SAMD4A: variants seen among roughly 807,000 people sequenced by gnomAD.
The protein encoded by SAMD4A is sterile alpha motif domain containing 4A.
A neutral mutation model predicts 81.3 loss-of-function variants in SAMD4A; 33 were observed. The ratio of observed to expected loss-of-function variants is 0.41; its 90% CI spans 0.31 to 0.54. The LOEUF (loss-of-function observed/expected upper bound fraction) is 0.54, where lower values mean the gene tolerates loss of function less well. Among genes scored for constraint, SAMD4A ranks in the 20% least tolerant of loss-of-function variants. The pLI is 0.37. For synonymous variants in SAMD4A, 389 were observed against 382.1 expected, an observed-to-expected ratio of 1.02 and a Z score of -0.21; for missense variants, 854 against 951.1, an observed-to-expected ratio of 0.90 and a Z score of 1.34.
At chr14:54,582,739 C>T (rs917009907) in intron 2 of SAMD4A, among the ~76,000 whole-genome samples, 13 of 152,124 alleles carry the variant, frequency 8.5e-5, no homozygotes, top group Non-Finnish European at 1.8e-4. Flanking sequence ...TTATACATTT[C>T]CTTCTGTTAT....
At chr14:54,598,577 G>A (rs1262366298) in intron 2 of SAMD4A, among the ~76,000 whole-genome samples, 4 of 152,016 alleles carry the variant, frequency 2.6e-5, no homozygotes, top group Non-Finnish European at 4.4e-5. Flanking sequence ...AACACTCATT[G>A]GACTCTTCCT....
At chr14:54,566,288 C>T (rs80255388), upstream of SAMD4A, among the ~76,000 whole-genome samples, 2 of 151,576 alleles carry the variant, frequency 1.3e-5, no homozygotes, top group Non-Finnish European at 2.9e-5. Context: ...GGCCCCCGAG[C>T]CGCCGGGATG....
intron 2 of SAMD4A, among the ~76,000 whole-genome samples, chr14:54,634,491 G>C (rs945468226): frequency 1.3e-5 from 2 of 152,120 alleles, no homozygotes; most frequent in African/African-American, 4.8e-5. Flanking sequence ...GGACAGGGAT[G>C]GGGGTTGGTC....
At position 54,684,621 on chromosome 14, in the gene SAMD4A, C is replaced by G. The variant is rs1412599082; in HGVS notation, c.197-17441C>G. Among the ~76,000 whole-genome samples, 48 of 105,204 alleles carry G rather than the reference C, an allele frequency of 4.6e-4. 1 individual carries two copies. In the South Asian group the frequency reaches 0.013, roughly 28 times the overall value. The allele number at this position is 105,204 out of a possible 152,430, so 69.0% of individuals were successfully genotyped here. ...TTGGCCAGACACCCCCGCCCCCCCC[C>G]CCAACCAGAAACGGGAAACCTATGG... On this transcript the variant is annotated intron_variant, in intron 2 of 12. Coordinates refer to ENST00000554335, the MANE Select transcript of SAMD4A (RefSeq NM_015589.6).
At chr14:54,782,457 C>G (rs1379521936) in intron 11 of SAMD4A, among the ~76,000 whole-genome samples, 2 of 152,016 alleles carry the variant, frequency 1.3e-5, no homozygotes, top group African/African-American at 4.8e-5. Context: ...GATGAAAATA[C>G]TAAAATCTCT....
At chr14:54,730,713 T>C (rs2037540877) in intron 3 of SAMD4A, among the ~76,000 whole-genome samples, 1 of 152,228 alleles carries the variant, frequency 6.6e-6, no homozygotes, top group Non-Finnish European at 1.5e-5. Flanking sequence ...TCCCCTCTCT[T>C]CCTCTCCCTT....
chr14:54,754,014 A>G (rs1362724140), intron 6 of SAMD4A, among the ~76,000 whole-genome samples: 2 of 152,230 alleles, frequency 1.3e-5, no homozygotes, highest in Admixed American at 1.3e-4. Flanking sequence ...GTGTTATGGT[A>G]AAAGAGTGAT....
intron 2 of SAMD4A, among the ~76,000 whole-genome samples, chr14:54,616,328 A>T (rs562648131): frequency 6.3e-4 from 96 of 152,136 alleles, no homozygotes; most frequent in Non-Finnish European, 1.3e-3. Flanking sequence ...TTTCTTTTTG[A>T]TTCTTTAGAA....
chr14:54,787,123 G>A lies in SAMD4A; in HGVS notation c.2129-1793G>A, dbSNP rs964865075. On this transcript the variant is annotated intron_variant, in intron 12 of 12. Transcript: ENST00000554335. ...CAAGTCCTTTTATGGGAAGAGGAACGGGCAGGGAGAGGAAAGCACAGTGAA... is the reference window on the plus strand; with the variant it reads ...CAAGTCCTTTTATGGGAAGAGGAACAGGCAGGGAGAGGAAAGCACAGTGAA... Among the ~76,000 whole-genome samples, 11 of 152,110 alleles carry A rather than the reference G, an allele frequency of 7.2e-5. No homozygotes were observed. The East Asian group carries it at 9.6e-4, about 13-fold the overall frequency.
intron 2 of SAMD4A, among the ~76,000 whole-genome samples, chr14:54,584,096 A>G (rs932029291): frequency 2.0e-5 from 3 of 152,228 alleles, no homozygotes; most frequent in African/African-American, 4.8e-5. Context: ...GCAATTTCAT[A>G]AAGAATAAAT....
chr14:54,735,623 A>G (rs1299949092), intron 3 of SAMD4A, among the ~76,000 whole-genome samples: 1 of 152,228 alleles, frequency 6.6e-6, no homozygotes, highest in Non-Finnish European at 1.5e-5. Context: ...CGTGGCTCTC[A>G]GGCTTGGTGA....
chr14:54,591,444 A>G (rs2033771887), intron 2 of SAMD4A, among the ~76,000 whole-genome samples: 1 of 152,160 alleles, frequency 6.6e-6, no homozygotes, highest in South Asian at 2.1e-4. Flanking sequence ...TAAAAAATTT[A>G]TTGGTAGTCA....
chr14:54,622,704 A>G (rs4898840), intron 2 of SAMD4A, among the ~76,000 whole-genome samples: 19,798 of 152,174 alleles, frequency 0.13, 1,442 homozygotes, highest in Middle Eastern at 0.2. Flanking sequence ...TGACATCACT[A>G]ATTTCTGGTT....
At chr14:54,629,565 T>A (rs1384914723) in intron 2 of SAMD4A, among the ~76,000 whole-genome samples, 2 of 152,256 alleles carry the variant, frequency 1.3e-5, no homozygotes, top group Non-Finnish European at 2.9e-5. Flanking sequence ...TGTTAGTTTT[T>A]ATATAATGAA....
chr14:54,633,140 A>G (rs2034944258), intron 2 of SAMD4A, among the ~76,000 whole-genome samples: 1 of 152,188 alleles, frequency 6.6e-6, no homozygotes, highest in Non-Finnish European at 1.5e-5. Flanking sequence ...TCCTAACCAT[A>G]ATGTATAAGG....
At chr14:54,762,750 T>TC (rs2139871807) in intron 7 of SAMD4A, among the ~76,000 whole-genome samples, 2 of 152,076 alleles carry the variant, frequency 1.3e-5, no homozygotes, top group Admixed American at 1.3e-4. Context: ...AAAACCACCC[T>TC]CCCCCAACCC....
At chr14:54,685,745 C>T (rs1480543393) in intron 2 of SAMD4A, 5 of 456,688 alleles carry the variant, frequency 1.1e-5, no homozygotes, top group Non-Finnish European at 1.8e-5. Flanking sequence ...ACAACCAGAA[C>T]AGAGAGAACC....
At chr14:54,568,440 G>A (rs2140096675) in intron 2 of SAMD4A, among the ~76,000 whole-genome samples, 1 of 151,824 alleles carries the variant, frequency 6.6e-6, no homozygotes, top group East Asian at 2.0e-4. Context: ...GTAGAGTCTG[G>A]ATTTTCTGGG....
At chr14:54,700,646 A>G (rs1401695776) in intron 2 of SAMD4A, among the ~76,000 whole-genome samples, 1 of 152,194 alleles carries the variant, frequency 6.6e-6, no homozygotes, top group Non-Finnish European at 1.5e-5. Context: ...TCAGTGGGCC[A>G]GTGTTGAGAT....
Sources: allele counts gnomAD v4.1 joint callset (sites outside exome capture counted in the v4.1 genomes callset), GRCh38; gene constraint gnomAD v4.1.1; transcripts MANE v1.5; gene names NCBI Gene and HGNC (gene_info 2026-07-23, HGNC 2026-07-21).